CES5A: variants seen among roughly 807,000 people sequenced by gnomAD.
CES5A encodes the protein carboxylesterase 5.
Under a neutral mutation model 62.9 loss-of-function variants are expected in CES5A, and 67 were observed. The observed-to-expected ratio is 1.07, with a 90% CI of 0.88 to 1.31. The LOEUF (loss-of-function observed/expected upper bound fraction) is 1.31, where lower values mean the gene tolerates loss of function less well. CES5A is among the 50% of genes most tolerant of loss of function. CES5A has a pLI of 0.00. For missense variants in CES5A, 748 were observed against 708.5 expected, an observed-to-expected ratio of 1.06 and a Z score of -0.63; for synonymous variants, 296 against 280.8, an observed-to-expected ratio of 1.05 and a Z score of -0.54.
chr16:55,889,973 G>A (rs547229999), intron 1 of CES5A, among the ~76,000 whole-genome samples: 1 of 152,154 alleles, frequency 6.6e-6, no homozygotes, highest in African/African-American at 2.4e-5. Flanking sequence ...AAGCTTCTTA[G>A]AGCCTCTCAC....
At chr16:55,928,942 T>TGCGTCCAA (rs2034283705), upstream of CES5A, among the ~76,000 whole-genome samples, 1 of 152,178 alleles carries the variant, frequency 6.6e-6, no homozygotes, top group Admixed American at 6.5e-5. Context: ...TCTTCTAGCA[T>TGCGTCCAA]GCGTCCAAGG....
At chr16:55,925,911 A>G (rs2034253497), upstream of CES5A, among the ~76,000 whole-genome samples, 1 of 152,158 alleles carries the variant, frequency 6.6e-6, no homozygotes, top group African/African-American at 2.4e-5. Context: ...AATATCTAGA[A>G]CCTACAAGGA....
At chr16:55,940,965 A>C (rs2034439507) in intron 2 of CES5A, among the ~76,000 whole-genome samples, 2 of 152,068 alleles carry the variant, frequency 1.3e-5, no homozygotes, top group East Asian at 3.9e-4. Context: ...ATAAAAAAAA[A>C]ACCTCTCCAT....
At chr16:55,864,324 G>C (rs541868942) in intron 5 of CES5A, among the ~76,000 whole-genome samples, 2 of 152,294 alleles carry the variant, frequency 1.3e-5, no homozygotes, top group African/African-American at 4.8e-5. Context: ...TCACCACCAT[G>C]TTACTGATTT....
intron 6 of CES5A, among the ~76,000 whole-genome samples, chr16:55,861,994 C>A (rs3859106): frequency 0.15 from 23,402 of 152,042 alleles, 2,152 homozygotes; most frequent in Middle Eastern, 0.28. Flanking sequence ...CTGCCCAAGC[C>A]CCAGGCCCAC....
At chr16:55,915,493 G>C (rs916348681) in intron 1 of CES5A, among the ~76,000 whole-genome samples, 3 of 152,090 alleles carry the variant, frequency 2.0e-5, no homozygotes, top group African/African-American at 7.2e-5. Context: ...TTTGGGGAGG[G>C]GAAAAGCTGG....
chr16:55,891,460 G>A (rs1410914431), intron 1 of CES5A, among the ~76,000 whole-genome samples: 1 of 152,158 alleles, frequency 6.6e-6, no homozygotes, highest in African/African-American at 2.4e-5. Flanking sequence ...TACATTTTAG[G>A]GAGACAAGAG....
chr16:55,936,074 A>T (rs574521947), intron 2 of CES5A, among the ~76,000 whole-genome samples: 2 of 152,062 alleles, frequency 1.3e-5, no homozygotes, highest in African/African-American at 4.8e-5. Flanking sequence ...CTTCCTCCTG[A>T]CTTCAGTTCG....
At chr16:55,886,449 A>G (rs1248735466) in intron 1 of CES5A, among the ~76,000 whole-genome samples, 1 of 152,102 alleles carries the variant, frequency 6.6e-6, no homozygotes, top group Non-Finnish European at 1.5e-5. Context: ...CTACAAACAG[A>G]GGGACAAAAC....
At chr16:55,952,909 C>G (rs750247698) in intron 1 of CES5A, among the ~76,000 whole-genome samples, 2 of 152,108 alleles carry the variant, frequency 1.3e-5, no homozygotes, top group African/African-American at 2.4e-5. Flanking sequence ...CTAACTCGTT[C>G]CATGTGGCTA....
chr16:55,873,432 G>A (rs930975004), intron 2 of CES5A, among the ~76,000 whole-genome samples: 6 of 152,128 alleles, frequency 3.9e-5, no homozygotes, highest in Admixed American at 3.3e-4. Flanking sequence ...CATAGAGCCA[G>A]GCTTGGGTGA....
intron 1 of CES5A, among the ~76,000 whole-genome samples, chr16:55,897,333 A>T (rs182602225): frequency 4.6e-5 from 7 of 152,282 alleles, no homozygotes; most frequent in Admixed American, 3.3e-4. Flanking sequence ...TAGTCTCACC[A>T]AAATGCCAAG....
intron 1 of CES5A, among the ~76,000 whole-genome samples, chr16:55,885,778 G>T (rs2033809452): frequency 6.6e-6 from 1 of 152,196 alleles, no homozygotes; most frequent in African/African-American, 2.4e-5. Context: ...GGAAGCCATA[G>T]TTGGAAGCCC....
At chr16:55,944,403 ATCT>A in intron 2 of CES5A, 1 of 352,264 alleles carries the variant, frequency 2.8e-6, no homozygotes, top group South Asian at 4.7e-5. Flanking sequence ...AGCCAGGGGC[ATCT>A]TCTAGTCCCT....
intron 1 of CES5A, among the ~76,000 whole-genome samples, chr16:55,907,267 C>T (rs1460290515): frequency 6.6e-6 from 1 of 152,146 alleles, no homozygotes; most frequent in Non-Finnish European, 1.5e-5. Context: ...GGACTTGATG[C>T]AAAGGAGTCA....
At chr16:55,899,114 G>T (rs574164842) in intron 1 of CES5A, among the ~76,000 whole-genome samples, 1 of 152,102 alleles carries the variant, frequency 6.6e-6, no homozygotes, top group African/African-American at 2.4e-5. Flanking sequence ...CATGCACCTG[G>T]CCTACCTATC....
At chr16:55,916,329 C>T (rs1388631534) in intron 1 of CES5A, among the ~76,000 whole-genome samples, 1 of 152,196 alleles carries the variant, frequency 6.6e-6, no homozygotes, top group Admixed American at 6.5e-5. Context: ...TCAGCCTCCT[C>T]ACATCCTCTT....
intron 2 of CES5A, among the ~76,000 whole-genome samples, chr16:55,946,183 T>C (rs1295777085): frequency 6.6e-6 from 1 of 152,242 alleles, no homozygotes; most frequent in African/African-American, 2.4e-5. Flanking sequence ...CCAGGATGTT[T>C]TGACAAGACT....
intron 2 of CES5A, among the ~76,000 whole-genome samples, chr16:55,937,488 C>T (rs562552560): frequency 3.3e-5 from 5 of 151,988 alleles, no homozygotes; most frequent in East Asian, 1.9e-4. Flanking sequence ...CTTCTGGTTG[C>T]GTTCTACACC....
Sources: allele counts gnomAD v4.1 joint callset (sites outside exome capture counted in the v4.1 genomes callset), GRCh38; gene constraint gnomAD v4.1.1; transcripts MANE v1.5; gene names NCBI Gene and HGNC (gene_info 2026-07-23, HGNC 2026-07-21).